Variants in CLIC4 observed in about 807,000 individuals in gnomAD.
CLIC4 encodes the protein CLIC family member 4, also known as chloride intracellular channel protein 4.
CLIC4 carries 13 observed loss-of-function variants against 24.6 expected under a neutral mutation model. That is an observed-to-expected ratio of 0.53 (90% confidence interval 0.34 to 0.84). CLIC4 has a LOEUF of 0.84. Among genes scored for constraint, CLIC4 ranks in the 40% least tolerant of loss-of-function variants. The pLI is 0.01. For synonymous variants in CLIC4, 104 were observed against 111.3 expected, an observed-to-expected ratio of 0.93 and a Z score of 0.41; for missense variants, 227 against 301.7, an observed-to-expected ratio of 0.75 and a Z score of 1.83.
intron 4 of CLIC4, among the ~76,000 whole-genome samples, chr1:24,829,486 G>C (rs1639818952): frequency 6.6e-6 from 1 of 152,100 alleles, no homozygotes; most frequent in South Asian, 2.1e-4. Context: ...GAAGCTCATG[G>C]GTAATTTCTT....
intron 1 of CLIC4, among the ~76,000 whole-genome samples, chr1:24,748,929 T>C (rs1638740790): frequency 6.6e-6 from 1 of 152,106 alleles, no homozygotes; most frequent in African/African-American, 2.4e-5. Flanking sequence ...ATAGTTATTT[T>C]GAAAGCAGTG....
intron 1 of CLIC4, among the ~76,000 whole-genome samples, chr1:24,758,581 C>T (rs1470077293): frequency 1.3e-5 from 2 of 152,046 alleles, no homozygotes; most frequent in Non-Finnish European, 2.9e-5. Context: ...CTCAGCCTCC[C>T]GACTGGCTGG....
At chr1:24,751,062 T>C (rs1286557168) in intron 1 of CLIC4, among the ~76,000 whole-genome samples, 1 of 152,146 alleles carries the variant, frequency 6.6e-6, no homozygotes, top group African/African-American at 2.4e-5. Flanking sequence ...TACCATGCTT[T>C]GGAATTAGAA....
intron 1 of CLIC4, among the ~76,000 whole-genome samples, chr1:24,784,929 G>A (rs543740714): frequency 1.7e-4 from 26 of 151,596 alleles, no homozygotes; most frequent in African/African-American, 5.3e-4. Context: ...GCGTGAACCC[G>A]GGAGGCGGAG....
At chr1:24,771,487 GTTC>G (rs1489231165) in intron 1 of CLIC4, among the ~76,000 whole-genome samples, 1 of 151,706 alleles carries the variant, frequency 6.6e-6, no homozygotes, top group Non-Finnish European at 1.5e-5. Flanking sequence ...AAATTATTAT[GTTC>G]TTCTAAAGAC....
chr1:24,771,378 C>T (rs553430189), intron 1 of CLIC4, among the ~76,000 whole-genome samples: 45 of 152,258 alleles, frequency 3.0e-4, no homozygotes, highest in African/African-American at 1.0e-3. Context: ...TCTGAATCAC[C>T]TTTAATTACA....
At chr1:24,788,740 G>A (rs1639301116) in intron 1 of CLIC4, among the ~76,000 whole-genome samples, 1 of 152,160 alleles carries the variant, frequency 6.6e-6, no homozygotes. Flanking sequence ...TGGGAATATA[G>A]AATTTCCTGC....
At chr1:24,824,555 A>T (rs1639768371) in intron 3 of CLIC4, among the ~76,000 whole-genome samples, 1 of 151,974 alleles carries the variant, frequency 6.6e-6, no homozygotes, top group Admixed American at 6.6e-5. Flanking sequence ...GGCATGAGCC[A>T]CTGTGCTTGG....
intron 1 of CLIC4, among the ~76,000 whole-genome samples, chr1:24,758,741 G>T (rs1260499034): frequency 6.6e-6 from 1 of 152,130 alleles, no homozygotes. Context: ...TTACAGGCAT[G>T]AGCCATCATG....
At chr1:24,807,582 GC>G (rs1280554867) in intron 2 of CLIC4, among the ~76,000 whole-genome samples, 1 of 152,098 alleles carries the variant, frequency 6.6e-6, no homozygotes, top group African/African-American at 2.4e-5. Context: ...GAGTGGTTTG[GC>G]CAGAAAAATG....
At chr1:24,757,794 GTCT>G (rs1407476437) in intron 1 of CLIC4, among the ~76,000 whole-genome samples, 1 of 151,168 alleles carries the variant, frequency 6.6e-6, no homozygotes, top group Non-Finnish European at 1.5e-5. Context: ...TTGAGACACA[GTCT>G]TCCTCTGTGG....
At chr1:24,826,238 T>TTTG (rs1639785936) in intron 3 of CLIC4, among the ~76,000 whole-genome samples, 1 of 152,186 alleles carries the variant, frequency 6.6e-6, no homozygotes, top group African/African-American at 2.4e-5. Flanking sequence ...GACATCTCAT[T>TTTG]TTGTTGTTGT....
intron 3 of CLIC4, among the ~76,000 whole-genome samples, chr1:24,817,271 ATCT>A (rs1209497791): frequency 6.6e-6 from 1 of 150,544 alleles, no homozygotes; most frequent in African/African-American, 2.5e-5. Context: ...GATCAGCTAG[ATCT>A]TCTAGATAGA....
At chr1:24,796,711 G>T (rs1036903956) in intron 1 of CLIC4, among the ~76,000 whole-genome samples, 2 of 152,046 alleles carry the variant, frequency 1.3e-5, no homozygotes, top group Non-Finnish European at 2.9e-5. Flanking sequence ...TGCTAGAATC[G>T]CCTAACAGCA....
rs998066979 is a variant in CLIC4 at position 24,754,837 on chromosome 1, C to T, written c.72+9212C>T. Among the ~76,000 whole-genome samples the T allele has an allele frequency of 4.0e-5, 6 of 151,754 alleles. 1 individual carries two copies. The highest frequency in any genetic ancestry group is 1.2e-4 in the African/African-American group (5 of 41,308). On this transcript the variant is annotated intron_variant, in intron 1 of 5. Transcript: ENST00000374379. ...CTGTAATCCCAGCACTTTGGGAGACCGAGGTGGGTGGATCGCCTGAGGTCA... is the reference window on the plus strand; with the variant it reads ...CTGTAATCCCAGCACTTTGGGAGACTGAGGTGGGTGGATCGCCTGAGGTCA...
At chr1:24,821,781 G>A (rs1307596456) in intron 3 of CLIC4, among the ~76,000 whole-genome samples, 11 of 151,972 alleles carry the variant, frequency 7.2e-5, no homozygotes, top group African/African-American at 2.2e-4. Context: ...ACAGGGTCTC[G>A]CCGTGTTACC....
At chr1:24,809,724 G>A (rs369418730) in intron 2 of CLIC4, among the ~76,000 whole-genome samples, 1 of 152,114 alleles carries the variant, frequency 6.6e-6, no homozygotes, top group Non-Finnish European at 1.5e-5. Flanking sequence ...GCCTCACAAA[G>A]TGCTGGGATT....
chr1:24,831,090 T>C (rs1639835526), intron 4 of CLIC4, among the ~76,000 whole-genome samples: 1 of 152,230 alleles, frequency 6.6e-6, no homozygotes, highest in South Asian at 2.1e-4. Context: ...ACCCTTGTTA[T>C]GACATTCTTA....
chr1:24,745,993 C>T (rs916982933), intron 1 of CLIC4, among the ~76,000 whole-genome samples: 6 of 150,712 alleles, frequency 4.0e-5, no homozygotes, highest in Non-Finnish European at 7.4e-5. Flanking sequence ...GCCCGGGCGC[C>T]GGGGCCCGGC....
Sources: allele counts gnomAD v4.1 joint callset (sites outside exome capture counted in the v4.1 genomes callset), GRCh38; gene constraint gnomAD v4.1.1; transcripts MANE v1.5; gene names NCBI Gene and HGNC (gene_info 2026-07-23, HGNC 2026-07-21).